The following TIAM1 variants were observed in gnomAD, a reference collection of about 807,000 sequenced individuals.
The protein encoded by TIAM1 is TIAM Rac1 associated GEF 1.
In TIAM1, 65 loss-of-function variants were observed where a neutral mutation model predicts 163.5. The ratio of observed to expected loss-of-function variants is 0.40; its 90% CI spans 0.33 to 0.49. The LOEUF (loss-of-function observed/expected upper bound fraction) is 0.49. Among genes scored for constraint, TIAM1 ranks in the 20% least tolerant of loss-of-function variants. The probability of loss-of-function intolerance (pLI) is 0.77; values close to 1 mark genes in which losing one functional copy is unlikely to be tolerated. For missense variants in TIAM1, 1,789 were observed against 2,044.7 expected, an observed-to-expected ratio of 0.87 and a Z score of 2.41; for synonymous variants, 833 against 810.1, an observed-to-expected ratio of 1.03 and a Z score of -0.48.
intron 2 of TIAM1, among the ~76,000 whole-genome samples, chr21:31,315,735 A>G (rs1178733086): frequency 6.7e-6 from 1 of 149,710 alleles, no homozygotes; most frequent in Non-Finnish European, 1.5e-5. Flanking sequence ...TAATCCCAGC[A>G]CTTTGGGAGG....
At chr21:31,448,675 T>C (rs2044718775) in intron 2 of TIAM1, among the ~76,000 whole-genome samples, 1 of 150,556 alleles carries the variant, frequency 6.6e-6, no homozygotes, top group South Asian at 2.1e-4. Context: ...AGCATGGAGG[T>C]GTCTTGCAAA....
chr21:31,238,948 C>T (rs1432465433), intron 6 of TIAM1, among the ~76,000 whole-genome samples: 1 of 152,182 alleles, frequency 6.6e-6, no homozygotes, highest in African/African-American at 2.4e-5. Flanking sequence ...ATCCAACTAA[C>T]TACTGCTCTA....
chr21:31,288,408 T>G (rs911484190), intron 2 of TIAM1, among the ~76,000 whole-genome samples: 4 of 152,170 alleles, frequency 2.6e-5, no homozygotes, highest in South Asian at 2.1e-4. Flanking sequence ...CAGCATCTGA[T>G]GAGGGCCTGT....
intron 5 of TIAM1, among the ~76,000 whole-genome samples, chr21:31,248,408 T>C (rs999505697): frequency 1.3e-5 from 2 of 152,190 alleles, no homozygotes; most frequent in Admixed American, 6.5e-5. Context: ...GATCAACTCG[T>C]TCCAACTTTA....
rs149744081 is a variant in TIAM1 at position 31,266,906 on chromosome 21, G to A, written c.67C>T (p.Arg23Cys). The A allele has an allele frequency of 5.9e-4, 957 of 1,612,516 alleles. 1 individual carries two copies. The highest frequency in any genetic ancestry group is 8.1e-4 in the South Asian group (74 of 91,042). The change falls in exon 4 of 28, where the codon CGC becomes TGC. Residue 23 changes from arginine to cysteine, a missense_variant. This residue lies in a region of TIAM1 where 555 missense variants were observed against 564.9 expected (regional missense o/e 0.98). Transcript: ENST00000541036. ...CGCAGGGAGCGGGAAGTGTGCTTGC[G>A]CCCCAGGCTGGCATGCTTTTCTCCA... Reference protein sequence around the residue: ...FYGEKHASLGRKHTSRSLRLS... With the variant: ...FYGEKHASLGCKHTSRSLRLS...
intron 4 of TIAM1, among the ~76,000 whole-genome samples, chr21:31,253,808 C>G (rs2146756709): frequency 6.6e-6 from 1 of 152,300 alleles, no homozygotes; most frequent in South Asian, 2.1e-4. Context: ...CACGGGTGGT[C>G]ATGAAAGACC....
intron 1 of TIAM1, among the ~76,000 whole-genome samples, chr21:31,503,395 A>G (rs1236915171): frequency 7.0e-6 from 1 of 142,650 alleles, no homozygotes; most frequent in Non-Finnish European, 1.5e-5. Context: ...CTGAGGAAAG[A>G]AAAGAAAAAG....
chr21:31,247,594 C>T (rs933322091), intron 5 of TIAM1, among the ~76,000 whole-genome samples: 1 of 151,964 alleles, frequency 6.6e-6, no homozygotes, highest in Non-Finnish European at 1.5e-5. Flanking sequence ...CAAGGTCTCA[C>T]TATGTTACCC....
intron 12 of TIAM1, among the ~76,000 whole-genome samples, chr21:31,196,127 A>G (rs1258505329): frequency 1.3e-5 from 2 of 152,200 alleles, no homozygotes; most frequent in Non-Finnish European, 2.9e-5. Context: ...ACTTCTCAAG[A>G]TAAGACATAT....
chr21:31,533,316 G>A (rs1383474626), intron 1 of TIAM1, among the ~76,000 whole-genome samples: 1 of 152,190 alleles, frequency 6.6e-6, no homozygotes, highest in Non-Finnish European at 1.5e-5. Context: ...GTGAGACTCT[G>A]TCTCAAAAAC....
At position 31,165,072 on chromosome 21, in the gene TIAM1, G is replaced by T; in HGVS notation, c.2888-7C>A. 1 of 1,613,470 alleles carries T rather than the reference G, an allele frequency of 6.2e-7. No individual in the cohort carries two copies. Among genetic ancestry groups the T allele is most frequent in the Non-Finnish European group, 8.5e-7 (1 of 1,179,946 alleles). ...TCGCTGCAAAGGCTGTGCCCTGTCA[G>T]ATGAAATCAGAAGAAAATGTGGGTC... On this transcript the variant is annotated splice_polypyrimidine_tract_variant and splice_region_variant and intron_variant, in intron 15 of 27. Coordinates refer to ENST00000541036, the MANE Select transcript of TIAM1 (RefSeq NM_001353694.2).
chr21:31,470,804 GAAGA>G (rs2045712452), intron 1 of TIAM1, among the ~76,000 whole-genome samples: 1 of 152,188 alleles, frequency 6.6e-6, no homozygotes, highest in African/African-American at 2.4e-5. Flanking sequence ...CTCCCCAGGA[GAAGA>G]GAGAGGAACC....
chr21:31,358,981 C>A lies in TIAM1; in HGVS notation c.-368-19559G>T, dbSNP rs533965620. ...CCTTGTTCATGCCACTGAAGCCACA[C>A]TTGGCCTCCTCGATGTTCCCTGAAC... On this transcript the variant is annotated intron_variant, in intron 2 of 28. Coordinates refer to the TIAM1 transcript ENST00000286827. Among the ~76,000 whole-genome samples the A allele has an allele frequency of 5.9e-5, 9 of 152,280 alleles. No individual in the cohort carries two copies. In the East Asian group the frequency reaches 1.7e-3, roughly 29 times the overall value.
At chr21:31,314,046 A>C (rs944297097) in intron 2 of TIAM1, among the ~76,000 whole-genome samples, 1 of 152,238 alleles carries the variant, frequency 6.6e-6, no homozygotes, top group Non-Finnish European at 1.5e-5. Context: ...TACTAAGAAG[A>C]ACAATGTTTA....
At chr21:31,496,664 C>A (rs1371418977) in intron 1 of TIAM1, among the ~76,000 whole-genome samples, 1 of 151,954 alleles carries the variant, frequency 6.6e-6, no homozygotes, top group Admixed American at 6.6e-5. Flanking sequence ...TATTTATAGT[C>A]TATTTTAGTG....
intron 6 of TIAM1, among the ~76,000 whole-genome samples, chr21:31,233,296 G>C (rs2088543551): frequency 1.3e-5 from 2 of 152,118 alleles, no homozygotes; most frequent in South Asian, 2.1e-4. Context: ...TTTTTAAGAG[G>C]CTAGATAGGA....
intron 15 of TIAM1, among the ~76,000 whole-genome samples, chr21:31,168,145 T>G (rs1601391364): frequency 6.6e-6 from 1 of 150,806 alleles, no homozygotes; most frequent in East Asian, 2.0e-4. Flanking sequence ...CAGGCTGGAG[T>G]GCAGTGGTGT....
intron 19 of TIAM1, among the ~76,000 whole-genome samples, chr21:31,150,955 A>T (rs892872924): frequency 3.3e-5 from 5 of 152,246 alleles, no homozygotes; most frequent in Non-Finnish European, 7.3e-5. Context: ...AGGTGGATAT[A>T]CTGAGGGCAA....
chr21:31,184,512 C>G (rs1242227961), intron 14 of TIAM1, among the ~76,000 whole-genome samples: 2 of 152,268 alleles, frequency 1.3e-5, no homozygotes, highest in African/African-American at 4.8e-5. Context: ...ATCACTCTTG[C>G]ATCTGTTGAG....
Sources: gnomAD v4.1 joint callset for allele counts (sites outside exome capture counted in the v4.1 genomes callset) on GRCh38, gnomAD v4.1.1 for gene constraint, gnomAD v4.1.1 regional missense constraint, MANE v1.5 for transcripts, NCBI Gene and HGNC (gene_info 2026-07-23, HGNC 2026-07-21) for gene names.